Variants in DLG1 observed in about 807,000 individuals in gnomAD.
DLG1 encodes discs large MAGUK scaffold protein 1.
Under a neutral mutation model 123.4 loss-of-function variants are expected in DLG1, and 42 were observed. The observed-to-expected ratio is 0.34, with a 90% CI of 0.27 to 0.44. The LOEUF (loss-of-function observed/expected upper bound fraction) is 0.44, where lower values mean the gene tolerates loss of function less well. Among genes scored for constraint, DLG1 ranks in the 20% least tolerant of loss-of-function variants. The pLI, the probability that DLG1 is intolerant of heterozygous loss-of-function variation, is 1.00. For missense variants in DLG1, 942 were observed against 1,082.6 expected (o/e 0.87, Z 1.82); for synonymous variants, 317 against 356.2 (o/e 0.89, Z 1.24).
intron 4 of DLG1, among the ~76,000 whole-genome samples, chr3:197,215,066 T>C (rs535648135): frequency 3.3e-5 from 5 of 152,338 alleles, no homozygotes; most frequent in East Asian, 1.9e-4. Context: ...CATATAACCT[T>C]TGACTCAGGA....
At chr3:197,085,798 TA>T in intron 15 of DLG1, 42 bp from the exon 16 acceptor site, 2 of 1,566,372 alleles carry the variant, frequency 1.3e-6, no homozygotes, top group Non-Finnish European at 1.7e-6. Flanking sequence ...CTTGTTATAA[TA>T]TTAATCAACA....
At chr3:197,142,807 T>C (rs1788703930) in intron 6 of DLG1, 39 bp from the exon 7 acceptor site, 4 of 1,575,134 alleles carry the variant, frequency 2.5e-6, no homozygotes, top group South Asian at 1.2e-5. Flanking sequence ...AACTTCAGAG[T>C]GTAAAATCCA....
At chr3:197,182,831 T>C (rs1007482851) in intron 5 of DLG1, among the ~76,000 whole-genome samples, 2 of 152,142 alleles carry the variant, frequency 1.3e-5, no homozygotes, top group African/African-American at 4.8e-5. Flanking sequence ...CAATTATTAA[T>C]TTTTCTTTAT....
At chr3:197,285,692 T>C (rs958451449) in intron 3 of DLG1, among the ~76,000 whole-genome samples, 2 of 152,162 alleles carry the variant, frequency 1.3e-5, no homozygotes, top group Non-Finnish European at 2.9e-5. Context: ...AAGATACTAC[T>C]ACACACCTAT....
At position 197,084,984 on chromosome 3, in the gene DLG1, A is replaced by AC. The variant is rs1193716525; in HGVS notation, c.1838+595dup. ...GTATTTTTAGTAGAGACAGGCTTTC[A>AC]CCACGTTGGCCAGGCTCGTCTTGAA... On this transcript the variant is annotated intron_variant, in intron 16 of 24. Transcript: ENST00000667157. Among the ~76,000 whole-genome samples the AC allele has an allele frequency of 2.4e-4, 37 of 151,506 alleles. 1 individual carries two copies. The highest frequency in any genetic ancestry group is 2.4e-3 in the Admixed American group (37 of 15,222).
At chr3:197,247,117 A>T (rs1752107698) in intron 4 of DLG1, among the ~76,000 whole-genome samples, 1 of 152,222 alleles carries the variant, frequency 6.6e-6, no homozygotes. Flanking sequence ...CCATTAACAA[A>T]GCCGATGCTT....
chr3:197,054,229 G>A (rs1730041478), intron 23 of DLG1, among the ~76,000 whole-genome samples: 1 of 152,208 alleles, frequency 6.6e-6, no homozygotes, highest in South Asian at 2.1e-4. Flanking sequence ...GGGTATCTAA[G>A]TTTATCCTGC....
chr3:197,271,231 C>T (rs1438567262), intron 4 of DLG1, among the ~76,000 whole-genome samples: 3 of 152,208 alleles, frequency 2.0e-5, no homozygotes. Flanking sequence ...AAATCACCTA[C>T]ACTGACAAAT....
At chr3:197,188,665 C>T (rs534770702) in intron 5 of DLG1, among the ~76,000 whole-genome samples, 2 of 152,196 alleles carry the variant, frequency 1.3e-5, no homozygotes, top group East Asian at 1.9e-4. Context: ...CTACATGCAG[C>T]GTAACAGCTG....
intron 5 of DLG1, among the ~76,000 whole-genome samples, chr3:197,184,885 C>T (rs760607213): frequency 2.0e-5 from 3 of 152,110 alleles, no homozygotes; most frequent in East Asian, 1.9e-4. Context: ...CATAATAGTT[C>T]GCCTGAGAAT....
chr3:197,177,528 C>T (rs542752145), intron 5 of DLG1, among the ~76,000 whole-genome samples: 3 of 151,904 alleles, frequency 2.0e-5, no homozygotes, highest in East Asian at 3.9e-4. Flanking sequence ...TGGTATGTAC[C>T]GATAACACGG....
intron 4 of DLG1, among the ~76,000 whole-genome samples, chr3:197,254,370 G>C (rs1755868829): frequency 6.6e-6 from 1 of 152,182 alleles, no homozygotes; most frequent in Non-Finnish European, 1.5e-5. Context: ...ACAGAAGCCA[G>C]GTGAAAGTAA....
intron 4 of DLG1, among the ~76,000 whole-genome samples, chr3:197,278,440 C>T (rs1767602138): frequency 6.6e-6 from 1 of 151,606 alleles, no homozygotes; most frequent in Non-Finnish European, 1.5e-5. Context: ...CACTGCACTT[C>T]AGCCTGGGTG....
Position 197,119,534 on chromosome 3 carries a change from C to A in DLG1, c.1166-4G>T. Reference sequence around the variant, plus strand: ...TTATCAACAGGCTGAGAAGAAGCTTCAAAATAAACAAAGTGAAAAATACTT... The same window carrying A: ...TTATCAACAGGCTGAGAAGAAGCTTAAAAATAAACAAAGTGAAAAATACTT... On this transcript the variant is annotated splice_region_variant and splice_polypyrimidine_tract_variant and intron_variant, in intron 11 of 24. Transcript: ENST00000667157. 6.3e-7 allele frequency: 1 copy of A among 1,598,246 alleles called. No homozygotes were observed. The highest frequency in any genetic ancestry group is 1.1e-5 in the South Asian group (1 of 89,214).
intron 5 of DLG1, among the ~76,000 whole-genome samples, chr3:197,166,083 C>T (rs1577365647): frequency 6.6e-6 from 1 of 152,186 alleles, no homozygotes; most frequent in South Asian, 2.1e-4. Context: ...AGGGTGTCTA[C>T]ATGGACAAAG....
At chr3:197,085,454 G>T in intron 16 of DLG1, 126 bp downstream of exon 16, 1 of 933,008 alleles carries the variant, frequency 1.1e-6, no homozygotes, top group Non-Finnish European at 1.6e-6. Context: ...GTCTTTCTGT[G>T]TCTGGCTTTT....
chr3:197,158,461 TAAAAAAAAAA>T (rs10573278), intron 5 of DLG1, among the ~76,000 whole-genome samples: 182 of 118,718 alleles, frequency 1.5e-3, no homozygotes, highest in African/African-American at 5.3e-3. Context: ...CGTCTCTACT[TAAAAAAAAAA>T]AAAAAAAAAA....
chr3:197,172,185 T>C (rs1804556248), intron 5 of DLG1, among the ~76,000 whole-genome samples: 1 of 152,186 alleles, frequency 6.6e-6, no homozygotes, highest in African/African-American at 2.4e-5. Context: ...GTCATAGCCA[T>C]TGTAATGCTG....
intron 10 of DLG1, among the ~76,000 whole-genome samples, chr3:197,132,032 G>A (rs1215146015): frequency 1.3e-5 from 2 of 152,040 alleles, no homozygotes; most frequent in Non-Finnish European, 2.9e-5. Flanking sequence ...GTTACCTCAG[G>A]TATTAGCACA....
Sources: allele counts gnomAD v4.1 joint callset (sites outside exome capture counted in the v4.1 genomes callset), GRCh38; gene constraint gnomAD v4.1.1; transcripts MANE v1.5; gene names NCBI Gene and HGNC (gene_info 2026-07-23, HGNC 2026-07-21).